Variants in ABCD3 observed in about 807,000 individuals in gnomAD.
ABCD3 encodes ATP binding cassette subfamily D member 3, also known as ATP-binding cassette sub-family D member 3.
In ABCD3, 41 loss-of-function variants were observed where a neutral mutation model predicts 105.5. The ratio of observed to expected loss-of-function variants is 0.39; its 90% CI spans 0.30 to 0.50. The LOEUF (loss-of-function observed/expected upper bound fraction) is 0.50, where lower values mean the gene tolerates loss of function less well. Among genes scored for constraint, ABCD3 ranks in the 20% least tolerant of loss-of-function variants. ABCD3 has a pLI of 0.84. For missense variants in ABCD3, 622 were observed against 806.3 expected (o/e 0.77, Z 2.77); for synonymous variants, 258 against 269.0 (o/e 0.96, Z 0.40).
chr1:94,385,322 T>C, the ABCD3 span, among the ~76,000 whole-genome samples: 43 of 152,240 alleles, frequency 2.8e-4, no homozygotes, highest in African/African-American at 1.0e-3. Flanking sequence ...TAAAATACAC[T>C]TGTGGACTGG....
At chr1:94,508,983 G>C (rs1169516401) in intron 21 of ABCD3, among the ~76,000 whole-genome samples, 6 of 151,860 alleles carry the variant, frequency 4.0e-5, no homozygotes, top group Non-Finnish European at 8.8e-5. Flanking sequence ...TTATTTCCTT[G>C]TCCTGCCTAA....
intron 20 of ABCD3, among the ~76,000 whole-genome samples, chr1:94,501,683 A>G (rs888149541): frequency 1.3e-5 from 2 of 152,196 alleles, no homozygotes; most frequent in African/African-American, 4.8e-5. Flanking sequence ...GTTTCTGACC[A>G]AAAGTTATCT....
rs60384801 is a variant in ABCD3 at position 94,419,768 on chromosome 1, A to T, written c.110+1180A>T. On this transcript the variant is annotated intron_variant, in intron 1 of 22. Coordinates refer to ENST00000370214, the MANE Select transcript of ABCD3 (RefSeq NM_002858.4). Reference sequence around the variant, plus strand: ...TATCTTACTAGAGTCTGAAGTGATGATCTTTCTTTTCCTTCCTAAATCCAT... The same window carrying T: ...TATCTTACTAGAGTCTGAAGTGATGTTCTTTCTTTTCCTTCCTAAATCCAT... Among the ~76,000 whole-genome samples the T allele has an allele frequency of 4.7e-3, 723 of 152,312 alleles. 40 individuals are homozygous for T. The East Asian group carries it at 0.11, about 24-fold the overall frequency.
intron 1 of ABCD3, among the ~76,000 whole-genome samples, chr1:94,451,997 A>T (rs1280575285): frequency 6.6e-6 from 1 of 152,056 alleles, no homozygotes; most frequent in African/African-American, 2.4e-5. Context: ...TTCCACTCTC[A>T]TACCCACTGT....
intron 1 of ABCD3, among the ~76,000 whole-genome samples, chr1:94,441,252 A>C (rs1660123014): frequency 6.6e-6 from 1 of 152,242 alleles, no homozygotes; most frequent in African/African-American, 2.4e-5. Flanking sequence ...TGATTCTTAA[A>C]CATGTGATTA....
At chr1:94,432,326 G>A (rs1459719949) in intron 1 of ABCD3, among the ~76,000 whole-genome samples, 3 of 152,290 alleles carry the variant, frequency 2.0e-5, no homozygotes, top group Non-Finnish European at 4.4e-5. Flanking sequence ...GTTTCATACT[G>A]GAGCTTGACC....
chr1:94,443,182 C>T (rs1660195117), intron 1 of ABCD3, among the ~76,000 whole-genome samples: 1 of 152,062 alleles, frequency 6.6e-6, no homozygotes, highest in Admixed American at 6.5e-5. Context: ...ATGGTAATCT[C>T]CTTGTGGTTT....
In ABCD3 at chr1:94,487,686, G is replaced by C; in HGVS notation, c.968-8G>C. 3 of 1,613,810 alleles carry C rather than the reference G, an allele frequency of 1.9e-6. No individual in the cohort carries two copies. Among genetic ancestry groups the C allele is most frequent in the Non-Finnish European group, 2.5e-6 (3 of 1,179,806 alleles). ...TTACTGTTTTAAATCTTACCTGTTT[G>C]GTTTCAGACCTTGCCACTGTTGTTG... On this transcript the variant is annotated splice_region_variant and splice_polypyrimidine_tract_variant and intron_variant, in intron 11 of 22. Transcript: ENST00000370214.
intron 1 of ABCD3, among the ~76,000 whole-genome samples, chr1:94,440,333 T>C (rs1223602477): frequency 6.6e-6 from 1 of 152,262 alleles, no homozygotes; most frequent in East Asian, 1.9e-4. Context: ...TTGAAAATAC[T>C]GTTTACTATC....
chr1:94,487,478 C>T, intron 10 of ABCD3, 64 bp from the exon 11 acceptor site: 2 of 1,402,470 alleles, frequency 1.4e-6, no homozygotes, highest in Non-Finnish European at 2.0e-6. Flanking sequence ...TTGTTTTATC[C>T]TTATAGTAGA....
At chr1:94,394,415 G>A in the ABCD3 span, among the ~76,000 whole-genome samples, 5 of 152,180 alleles carry the variant, frequency 3.3e-5, no homozygotes, top group African/African-American at 9.7e-5. Context: ...TAGAAATGGA[G>A]AAAAAGCATT....
At chr1:94,456,765 A>T (rs190696813) in intron 1 of ABCD3, among the ~76,000 whole-genome samples, 1 of 152,202 alleles carries the variant, frequency 6.6e-6, no homozygotes, top group Admixed American at 6.5e-5. Context: ...ATCTATACCC[A>T]GAAGTGGGAA....
At chr1:94,478,447 A>G (rs539310492) in intron 8 of ABCD3, 132 bp downstream of exon 8, 19 of 1,209,174 alleles carry the variant, frequency 1.6e-5, no homozygotes, top group South Asian at 1.0e-4. Context: ...TTTACCTAAC[A>G]AAGTCTGGTT....
chr1:94,473,936 C>T (rs968381869), intron 5 of ABCD3, 101 bp downstream of exon 5: 1 of 847,748 alleles, frequency 1.2e-6, no homozygotes, highest in Non-Finnish European at 1.9e-6. Context: ...ACTTATGATA[C>T]TAAGTTCCTA....
At chr1:94,423,008 C>T (rs945921899) in intron 1 of ABCD3, among the ~76,000 whole-genome samples, 2 of 152,188 alleles carry the variant, frequency 1.3e-5, no homozygotes, top group African/African-American at 4.8e-5. Flanking sequence ...CCTGGCTAAT[C>T]TTATATGCCA....
At chr1:94,461,395 A>G (rs753623379) in intron 2 of ABCD3, among the ~76,000 whole-genome samples, 71 of 152,224 alleles carry the variant, frequency 4.7e-4, no homozygotes, top group Non-Finnish European at 4.7e-4. Context: ...TTCAAAATGT[A>G]TAAAGATAAG....
the ABCD3 span, among the ~76,000 whole-genome samples, chr1:94,398,866 A>C: frequency 6.6e-6 from 1 of 152,192 alleles, no homozygotes; most frequent in South Asian, 2.1e-4. Context: ...GTGAGCCGAG[A>C]TCATGCCATT....
At chr1:94,484,415 AAG>A (rs964319225) in intron 10 of ABCD3, among the ~76,000 whole-genome samples, 74 of 152,352 alleles carry the variant, frequency 4.9e-4, no homozygotes, top group African/African-American at 1.7e-3. Flanking sequence ...AGACTGGACA[AAG>A]AAAATGTGGC....
In ABCD3 at chr1:94,498,582, GA is replaced by G. The variant is rs771994383; in HGVS notation, c.1387-19del. On this transcript the variant is annotated intron_variant, in intron 16 of 22. Coordinates refer to ENST00000370214, the MANE Select transcript of ABCD3 (RefSeq NM_002858.4). The stretch of plus-strand genomic sequence containing the variant: ...ATTTGATTTAATTACTTCACAGACT[GA>G]TTTTTTTTTTTTTTTCAGGTTCGAT... 5 of 1,442,234 alleles carry G rather than the reference GA, an allele frequency of 3.5e-6. No individual in the cohort carries two copies. The African/African-American group carries it at 5.7e-5, about 16-fold the overall frequency. The allele number at this position is 1,442,234 out of a possible 1,614,324, so 89.3% of individuals were successfully genotyped here.
Sources: allele counts gnomAD v4.1 joint callset (sites outside exome capture counted in the v4.1 genomes callset), GRCh38; gene constraint gnomAD v4.1.1; transcripts MANE v1.5; gene names NCBI Gene and HGNC (gene_info 2026-07-23, HGNC 2026-07-21).